DDRGK1: variants seen among roughly 807,000 people sequenced by gnomAD.
DDRGK1 encodes the protein DDRGK domain containing 1.
A neutral mutation model predicts 45.8 loss-of-function variants in DDRGK1; 38 were observed. That is an observed-to-expected ratio of 0.83 (90% CI 0.64 to 1.09). The LOEUF is 1.09. Ranked by LOEUF, DDRGK1 falls within the 50% of genes least tolerant of loss-of-function variation. The pLI, the probability that DDRGK1 is intolerant of heterozygous loss-of-function variation, is 0.00. For synonymous variants in DDRGK1, 171 were observed against 168.7 expected, an observed-to-expected ratio of 1.01 and a Z score of -0.11; for missense variants, 403 against 419.9, an observed-to-expected ratio of 0.96 and a Z score of 0.35.
chr20:3,196,280 C>T (rs1333166582), intron 4 of DDRGK1, among the ~76,000 whole-genome samples: 1 of 152,156 alleles, frequency 6.6e-6, no homozygotes, highest in Non-Finnish European at 1.5e-5. Flanking sequence ...CTCTAACTTC[C>T]AGAAAACTCC....
intron 2 of DDRGK1, among the ~76,000 whole-genome samples, chr20:3,201,230 GC>G (rs2067037710): frequency 6.7e-6 from 1 of 148,866 alleles, no homozygotes; most frequent in Admixed American, 6.7e-5. Flanking sequence ...CTTGCAGTGA[GC>G]GGAGATCGCG....
chr20:3,201,625 A>G (rs2067040008), intron 2 of DDRGK1, among the ~76,000 whole-genome samples: 1 of 151,928 alleles, frequency 6.6e-6, no homozygotes, highest in Non-Finnish European at 1.5e-5. Context: ...AGAATACAGC[A>G]TAGGGGAGGC....
intron 1 of DDRGK1, among the ~76,000 whole-genome samples, chr20:3,203,981 T>C (rs2067053901): frequency 6.6e-6 from 1 of 152,130 alleles, no homozygotes; most frequent in Non-Finnish European, 1.5e-5. Flanking sequence ...GGTGTATCTG[T>C]TCTGTGCCCT....
In DDRGK1 at chr20:3,203,198, C is replaced by T. The variant is rs750575500; in HGVS notation, c.295+15G>A. The T allele has an allele frequency of 2.6e-6, 4 of 1,545,036 alleles. No individual in the cohort carries two copies. The Admixed American group carries it at 6.0e-5, about 23-fold the overall frequency. On this transcript the variant is annotated intron_variant, in intron 2 of 8. Coordinates refer to ENST00000354488, the MANE Select transcript of DDRGK1 (RefSeq NM_023935.3). The stretch of plus-strand genomic sequence containing the variant: ...CAACCCAAACCCTCTCCCCACCAGG[C>T]TGGGCCCCTCTCACCTAGGATGACA...
chr20:3,196,600 G>C (rs2067011756), intron 4 of DDRGK1, among the ~76,000 whole-genome samples: 1 of 152,120 alleles, frequency 6.6e-6, no homozygotes, highest in Non-Finnish European at 1.5e-5. Flanking sequence ...AGAATGGCGT[G>C]AACCTGGGAG....
At chr20:3,194,705 T>TCTGGGCCCCC in intron 6 of DDRGK1, 125 bp downstream of exon 6, 7 of 1,307,016 alleles carry the variant, frequency 5.4e-6, no homozygotes, top group Non-Finnish European at 7.5e-6. Flanking sequence ...GCTCTGCCCC[T>TCTGGGCCCCC]CTGGGCCCCC....
intron 1 of DDRGK1, 82 bp downstream of exon 1, chr20:3,204,455 G>C (rs753154981): frequency 7.8e-6 from 11 of 1,410,102 alleles, no homozygotes; most frequent in Middle Eastern, 1.8e-4. Flanking sequence ...GCACGCGCAG[G>C]AGCCGCGGCG....
Position 3,200,005 on chromosome 20 carries a change from T to G in DDRGK1, c.506A>C (p.Gln169Pro), listed in dbSNP as rs777324333. The stretch of plus-strand genomic sequence containing the variant: ...CAGGGTAGGGGCTGGCCTCACCTTC[T>G]GCTCCTCCTCCAGGCGAAGCCGCTC... ...EEERLRLEEE[Q>P]KEEEERKARE... Residue 169 changes from glutamine to proline, a missense_variant, in exon 4 of 9, where the codon CAG becomes CCG. By Grantham distance (76) the Gln-to-Pro change is moderately conservative. Transcript: ENST00000354488. 9 of 1,610,276 alleles carry G rather than the reference T, an allele frequency of 5.6e-6. No individual in the cohort carries two copies. The African/African-American group carries it at 1.2e-4, about 21-fold the overall frequency.
At chr20:3,193,485 C>T (rs2066997839) in intron 6 of DDRGK1, among the ~76,000 whole-genome samples, 1 of 152,202 alleles carries the variant, frequency 6.6e-6, no homozygotes. Context: ...ATTCTCCTGC[C>T]TCAGCCTCCT....
intron 4 of DDRGK1, 61 bp from the exon 5 acceptor site, chr20:3,195,414 G>T: frequency 1.3e-6 from 2 of 1,522,468 alleles, no homozygotes. Flanking sequence ...CACCTGTTCT[G>T]GTTGCTGCTA....
intron 5 of DDRGK1, 121 bp from the exon 6 acceptor site, chr20:3,194,989 G>A (rs963570025): frequency 6.4e-6 from 9 of 1,406,114 alleles, no homozygotes; most frequent in Admixed American, 2.0e-5. Context: ...CCTTTGGCCC[G>A]CCCAACCACC....
Position 3,200,472 on chromosome 20 carries a change from A to C in DDRGK1, c.296-18T>G, listed in dbSNP as rs1382149272. The C allele has an allele frequency of 5.1e-6, 8 of 1,556,310 alleles. No individual in the cohort carries two copies. Among genetic ancestry groups the C allele is most frequent in the Non-Finnish European group, 6.1e-6 (7 of 1,148,644 alleles). On this transcript the variant is annotated intron_variant, in intron 2 of 8. Coordinates refer to ENST00000354488, the MANE Select transcript of DDRGK1 (RefSeq NM_023935.3). ...CTCCTGGGCTGGGTATGGTCAAAGA[A>C]AGACAGTTCAGGTTCTGACCAGAGA...
chr20:3,204,398 C>A, intron 1 of DDRGK1, 139 bp downstream of exon 1: 1 of 836,850 alleles, frequency 1.2e-6, no homozygotes, highest in Non-Finnish European at 1.8e-6. Context: ...CCCCACCCGG[C>A]ACACGACTAG....
At chr20:3,196,338 C>T (rs965026761) in intron 4 of DDRGK1, among the ~76,000 whole-genome samples, 8 of 152,148 alleles carry the variant, frequency 5.3e-5, no homozygotes, top group African/African-American at 1.9e-4. Flanking sequence ...GGTAAAACAG[C>T]CTCCCTCAAC....
Position 3,203,231 on chromosome 20 carries a change from C to G in DDRGK1, c.277G>C (p.Glu93Gln). 1 of 1,594,960 alleles carries G rather than the reference C, an allele frequency of 6.3e-7. No individual in the cohort carries two copies. Among genetic ancestry groups the G allele is most frequent in the Non-Finnish European group, 8.6e-7 (1 of 1,168,906 alleles). The change falls in exon 2 of 9, where the codon GAG becomes CAG. Residue 93 changes from glutamate to glutamine, a missense_variant. Glu to Gln is a conservative substitution (Grantham distance 29, BLOSUM62 2). Transcript: ENST00000354488. Reference sequence around the variant, plus strand: ...CTCTCACCTAGGATGACAGCTTCCTCCTCGTTCTCATCTGCTTCTGCCCAG... The same window carrying G: ...CTCTCACCTAGGATGACAGCTTCCTGCTCGTTCTCATCTGCTTCTGCCCAG... The part of the protein sequence containing the change: ...VAWAEADENE[E>Q]EAVILAQEEE...
At position 3,204,568 on chromosome 20, in the gene DDRGK1, G is replaced by A; in HGVS notation, c.60C>T (p.Phe20=). The change falls in exon 1 of 9, where the codon TTC becomes TTT. Residue 20 remains phenylalanine (F), a synonymous_variant. Coordinates refer to ENST00000354488, the MANE Select transcript of DDRGK1 (RefSeq NM_023935.3). Reference sequence around the variant, plus strand: ...CCGCCCGGCCCCGGCTGCGAGTCAGGAAGAGGATAAAGCCGACTAGCAGAG... The same window carrying A: ...CCGCCCGGCCCCGGCTGCGAGTCAGAAAGAGGATAAAGCCGACTAGCAGAG... The part of the protein sequence containing the change: ...AAALLVGFIL[F]LTRSRGRAAS... 6.3e-7 allele frequency: 1 copy of A among 1,579,206 alleles called. No homozygotes were observed. The highest frequency in any genetic ancestry group is 8.6e-7 in the Non-Finnish European group (1 of 1,168,528).
Position 3,195,219 on chromosome 20 carries a change from C to T in DDRGK1, c.633+12G>A, listed in dbSNP as rs1300793499. The T allele has an allele frequency of 1.9e-6, 3 of 1,613,922 alleles. No homozygotes were observed. Among genetic ancestry groups the T allele is most frequent in the Non-Finnish European group, 2.5e-6 (3 of 1,179,966 alleles). On this transcript the variant is annotated intron_variant, in intron 5 of 8. Transcript: ENST00000354488. ...GGTGCAGAGAGGGGCTTCCCAGGGGCAGCAGGCCCACCTGTTCCTCAGTCA... is the reference window on the plus strand; with the variant it reads ...GGTGCAGAGAGGGGCTTCCCAGGGGTAGCAGGCCCACCTGTTCCTCAGTCA...
chr20:3,195,800 C>T (rs1197813743), intron 4 of DDRGK1, among the ~76,000 whole-genome samples: 1 of 152,110 alleles, frequency 6.6e-6, no homozygotes, highest in Non-Finnish European at 1.5e-5. Flanking sequence ...TCTGTGTTCC[C>T]AGTTCTATGA....
Position 3,195,235 on chromosome 20 carries a change from T to TCCTC in DDRGK1, c.625_628dup (p.Glu210GlyfsTer47), listed in dbSNP as rs758450164. 1 of 1,614,012 alleles carries TCCTC rather than the reference T, an allele frequency of 6.2e-7. No individual in the cohort carries two copies. The highest frequency in any genetic ancestry group is 8.5e-7 in the Non-Finnish European group (1 of 1,179,956). On this transcript the variant is annotated frameshift_variant, in exon 5 of 9. Transcript: ENST00000354488. LOFTEE classifies it high-confidence loss of function. ...TCCCAGGGGCAGCAGGCCCACCTGT[T>TCCTC]CCTCAGTCATGGTCTCTCCTACGCC... is the stretch of plus-strand genomic sequence containing the variant.
Sources: gnomAD v4.1 joint callset for allele counts (sites outside exome capture counted in the v4.1 genomes callset) on GRCh38, gnomAD v4.1.1 for gene constraint, MANE v1.5 for transcripts, NCBI Gene and HGNC (gene_info 2026-07-23, HGNC 2026-07-21) for gene names.